KDM4C: variants seen among roughly 807,000 people sequenced by gnomAD.
KDM4C encodes lysine-specific demethylase 4C.
A neutral mutation model predicts 129.3 loss-of-function variants in KDM4C; 81 were observed. That is an observed-to-expected ratio of 0.63 (90% CI 0.52 to 0.75). The LOEUF (loss-of-function observed/expected upper bound fraction) is 0.75, where lower values mean the gene tolerates loss of function less well. KDM4C is among the 30% of genes least tolerant of loss of function. The probability of loss-of-function intolerance (pLI) is 0.00; values close to 1 mark genes in which losing one functional copy is unlikely to be tolerated. For synonymous variants in KDM4C, 573 were observed against 456.1 expected (o/e 1.26, Z -3.26); for missense variants, 1,457 against 1,304.0 (o/e 1.12, Z -1.81).
intron 4 of KDM4C, among the ~76,000 whole-genome samples, chr9:6,825,146 C>CAAAAAAAAAAAAAAAAAAA (rs776343731): frequency 5.0e-5 from 4 of 79,950 alleles, no homozygotes; most frequent in African/African-American, 4.5e-5. Context: ...AACTCGGTCT[C>CAAAAAAAAAAAAAAAAAAA]AAAAAAAAAA....
intron 8 of KDM4C, among the ~76,000 whole-genome samples, chr9:6,942,963 T>A (rs1826229740): frequency 6.6e-6 from 1 of 152,140 alleles, no homozygotes; most frequent in South Asian, 2.1e-4. Context: ...CCTCCTGGTT[T>A]CAAATGACCC....
chr9:7,069,640 T>C (rs1346005053), intron 17 of KDM4C, among the ~76,000 whole-genome samples: 2 of 152,240 alleles, frequency 1.3e-5, no homozygotes, highest in African/African-American at 2.4e-5. Flanking sequence ...GTAATTATAG[T>C]ATAATATTAA....
At chr9:7,061,954 G>A (rs1046534405) in intron 17 of KDM4C, among the ~76,000 whole-genome samples, 6 of 152,174 alleles carry the variant, frequency 3.9e-5, no homozygotes, top group Non-Finnish European at 7.4e-5. Context: ...GGCAAGTCCT[G>A]GAGTATGAAT....
At chr9:7,044,203 A>C (rs535142519) in intron 15 of KDM4C, among the ~76,000 whole-genome samples, 2 of 152,110 alleles carry the variant, frequency 1.3e-5, no homozygotes, top group South Asian at 4.2e-4. Context: ...TGTTTGAGGG[A>C]GTAACATTTA....
chr9:7,103,860 A>C lies in KDM4C; in HGVS notation c.2600A>C (p.Asn867Thr), dbSNP rs535667780. 2 of 1,613,258 alleles carry C rather than the reference A, an allele frequency of 1.2e-6. No homozygotes were observed. The highest frequency in any genetic ancestry group is 1.3e-5 in the African/African-American group (1 of 74,838). ...VNITCFRHKVNPNVKSKACEK... is the reference protein window; with the variant it reads ...VNITCFRHKVTPNVKSKACEK... ...ATTACATGCTTTCGACATAAGGTCAACCCCAACGTGGTAAGATGTGCCCTC... is the reference window on the plus strand; with the variant it reads ...ATTACATGCTTTCGACATAAGGTCACCCCCAACGTGGTAAGATGTGCCCTC... Residue 867 changes from asparagine (N) to threonine (T), a missense_variant, in exon 18 of 22, where the codon AAC becomes ACC. By Grantham distance (65) the Asn-to-Thr change is moderately conservative. Transcript: ENST00000381309.
At chr9:6,842,067 T>C (rs1017656863) in intron 4 of KDM4C, among the ~76,000 whole-genome samples, 1 of 152,214 alleles carries the variant, frequency 6.6e-6, no homozygotes, top group Admixed American at 6.5e-5. Flanking sequence ...CTACCACTTG[T>C]ATAGTCTCAC....
chr9:6,925,933 G>T (rs1472444359), intron 8 of KDM4C, among the ~76,000 whole-genome samples: 6 of 152,126 alleles, frequency 3.9e-5, no homozygotes, highest in African/African-American at 1.2e-4. Context: ...GGGATATTAG[G>T]ATTAGCAGTC....
intron 20 of KDM4C, among the ~76,000 whole-genome samples, chr9:7,167,654 G>A (rs1022666034): frequency 1.3e-5 from 2 of 152,212 alleles, no homozygotes; most frequent in Non-Finnish European, 2.9e-5. Flanking sequence ...AATGCTAACA[G>A]TACGTGGATA....
chr9:6,975,553 C>T (rs944727453), intron 8 of KDM4C, among the ~76,000 whole-genome samples: 2 of 152,114 alleles, frequency 1.3e-5, no homozygotes, highest in Non-Finnish European at 2.9e-5. Context: ...CTGCGCCTGT[C>T]TCTGTTTCTT....
chr9:7,144,663 T>TC (rs894289226), intron 19 of KDM4C, among the ~76,000 whole-genome samples: 1 of 152,244 alleles, frequency 6.6e-6, no homozygotes, highest in Non-Finnish European at 1.5e-5. Context: ...TACATTTCTT[T>TC]CCCCTTTCCC....
At chr9:6,787,318 C>T (rs571054217) in intron 1 of KDM4C, among the ~76,000 whole-genome samples, 5 of 152,300 alleles carry the variant, frequency 3.3e-5, no homozygotes, top group South Asian at 2.1e-4. Flanking sequence ...CTGCAACCTC[C>T]GCCCCCGGGG....
chr9:7,029,671 G>A (rs1364042518), intron 15 of KDM4C, among the ~76,000 whole-genome samples: 1 of 152,182 alleles, frequency 6.6e-6, no homozygotes, highest in Non-Finnish European at 1.5e-5. Flanking sequence ...GCATTTGGTA[G>A]ATGTTTCTCT....
At position 6,793,023 on chromosome 9, in the gene KDM4C, C is replaced by T. The variant is rs1377521503; in HGVS notation, c.35C>T (p.Pro12Leu). The change falls in exon 2 of 22, where the codon CCC becomes CTC. Residue 12 changes from proline (P) to leucine (L), a missense_variant. Pro to Leu is a moderately conservative substitution (Grantham distance 98, BLOSUM62 -3). Coordinates refer to ENST00000381309, the MANE Select transcript of KDM4C (RefSeq NM_015061.6). ...EVAEVESPLNPSCKIMTFRPS... is the reference protein window; with the variant it reads ...EVAEVESPLNLSCKIMTFRPS... ...GCCGAGGTGGAAAGTCCTCTGAACC[C>T]CAGCTGTAAGATAATGACCTTCAGA... 6.2e-7 allele frequency: 1 copy of T among 1,614,028 alleles called. No individual in the cohort carries two copies. Among genetic ancestry groups the T allele is most frequent in the Non-Finnish European group, 8.5e-7 (1 of 1,180,042 alleles).
At chr9:6,770,493 A>G (rs894668909) in intron 1 of KDM4C, among the ~76,000 whole-genome samples, 3 of 152,078 alleles carry the variant, frequency 2.0e-5, no homozygotes, top group East Asian at 1.9e-4. Flanking sequence ...GAGGGAATAC[A>G]TGATCAACAA....
At chr9:6,958,687 A>ATTTTTT (rs377187050) in intron 8 of KDM4C, among the ~76,000 whole-genome samples, 3 of 136,362 alleles carry the variant, frequency 2.2e-5, no homozygotes, top group African/African-American at 8.7e-5. Context: ...TCTTTATATG[A>ATTTTTT]TTTTTTTTTT....
intron 19 of KDM4C, among the ~76,000 whole-genome samples, chr9:7,139,989 G>C (rs1841577355): frequency 6.6e-6 from 1 of 152,222 alleles, no homozygotes. Context: ...GGTGACTTGA[G>C]AGACCACATG....
intron 8 of KDM4C, among the ~76,000 whole-genome samples, chr9:6,930,156 G>C (rs1288671095): frequency 6.6e-6 from 1 of 152,198 alleles, no homozygotes; most frequent in Non-Finnish European, 1.5e-5. Flanking sequence ...TAAATTATTA[G>C]CAGTCAGCAG....
At position 7,014,183 on chromosome 9, in the gene KDM4C, C is replaced by T. The variant is rs1458309688; in HGVS notation, c.2182+182C>T. 3.4e-5 allele frequency: 19 copies of T among 566,458 alleles called. No individual in the cohort carries two copies. In the East Asian group the frequency reaches 5.2e-4, roughly 15 times the overall value. The allele number at this position is 566,458 out of a possible 1,614,324, so 35.1% of individuals were successfully genotyped here. On this transcript the variant is annotated intron_variant, in intron 14 of 21. Coordinates refer to ENST00000381309, the MANE Select transcript of KDM4C (RefSeq NM_015061.6). Reference sequence around the variant, plus strand: ...AGTTGGTATATTCATCCTTTTTTCACCACTTTCATGTAGTATCCGTGGAGA... The same window carrying T: ...AGTTGGTATATTCATCCTTTTTTCATCACTTTCATGTAGTATCCGTGGAGA...
chr9:6,953,747 G>A (rs561861061), intron 8 of KDM4C, among the ~76,000 whole-genome samples: 10 of 152,292 alleles, frequency 6.6e-5, no homozygotes, highest in Non-Finnish European at 1.3e-4. Context: ...TTAGTTATGA[G>A]TAATAGTGAA....
Sources: allele counts gnomAD v4.1 joint callset (sites outside exome capture counted in the v4.1 genomes callset), GRCh38; gene constraint gnomAD v4.1.1; transcripts MANE v1.5; gene names NCBI Gene and HGNC (gene_info 2026-07-23, HGNC 2026-07-21).